FOCAD: variants seen among roughly 807,000 people sequenced by gnomAD.
The protein encoded by FOCAD is focadhesin, also known as KIAA1797.
Under a neutral mutation model 225.6 loss-of-function variants are expected in FOCAD, and 198 were observed. The observed-to-expected ratio is 0.88, with a 90% CI of 0.78 to 0.99. The LOEUF (loss-of-function observed/expected upper bound fraction) is 0.99. Among genes scored for constraint, FOCAD ranks in the 50% least tolerant of loss-of-function variants. The pLI is 0.00. For synonymous variants in FOCAD, 897 were observed against 755.0 expected (o/e 1.19, Z -3.08); for missense variants, 2,713 against 2,123.6 (o/e 1.28, Z -5.46).
chr9:20,769,652 G>C (rs535911898), intron 7 of FOCAD, among the ~76,000 whole-genome samples: 40 of 152,314 alleles, frequency 2.6e-4, no homozygotes, highest in Admixed American at 7.2e-4. Context: ...TTTACTATCA[G>C]GTATCTATGT....
chr9:20,801,575 T>C (rs1821841368), intron 11 of FOCAD, among the ~76,000 whole-genome samples: 1 of 152,152 alleles, frequency 6.6e-6, no homozygotes, highest in Admixed American at 6.5e-5. Flanking sequence ...TTGTAAAAAG[T>C]CATAATAGGG....
intron 10 of FOCAD, among the ~76,000 whole-genome samples, chr9:20,784,420 G>C (rs1174881939): frequency 6.6e-6 from 1 of 152,190 alleles, no homozygotes; most frequent in African/African-American, 2.4e-5. Context: ...AAGAAGAGTG[G>C]GTGTGGAGCT....
chr9:20,721,203 G>A (rs1459800523), intron 4 of FOCAD, among the ~76,000 whole-genome samples: 1 of 152,132 alleles, frequency 6.6e-6, no homozygotes, highest in Non-Finnish European at 1.5e-5. Context: ...AAATTGTCTT[G>A]ATCTATATGT....
At chr9:20,698,070 G>A (rs1823523224) in intron 1 of FOCAD, among the ~76,000 whole-genome samples, 1 of 152,182 alleles carries the variant, frequency 6.6e-6, no homozygotes, top group Non-Finnish European at 1.5e-5. Context: ...TTTAGAGAAT[G>A]ATAAAAAACC....
chr9:20,701,428 G>A (rs10811393), intron 1 of FOCAD, among the ~76,000 whole-genome samples: 73,859 of 152,030 alleles, frequency 0.49, 18,309 homozygotes, highest in Non-Finnish European at 0.52. Flanking sequence ...TGCCATCTGT[G>A]TGTGTGTAGT....
At chr9:20,786,240 A>C (rs1335637263) in intron 10 of FOCAD, among the ~76,000 whole-genome samples, 1 of 152,200 alleles carries the variant, frequency 6.6e-6, no homozygotes, top group African/African-American at 2.4e-5. Flanking sequence ...TCAGATTTAC[A>C]GGGGAACAAA....
intron 11 of FOCAD, among the ~76,000 whole-genome samples, chr9:20,794,925 C>G (rs1024634841): frequency 2.6e-5 from 4 of 152,002 alleles, no homozygotes; most frequent in Non-Finnish European, 5.9e-5. Flanking sequence ...TTTTTTCTTA[C>G]TCTCAAGAAT....
At chr9:20,836,922 A>G (rs1314113840) in intron 15 of FOCAD, among the ~76,000 whole-genome samples, 1 of 152,110 alleles carries the variant, frequency 6.6e-6, no homozygotes, top group Non-Finnish European at 1.5e-5. Flanking sequence ...GATCATGGAA[A>G]GTTGAATGCT....
At chr9:20,704,466 A>C (rs964482153) in intron 1 of FOCAD, among the ~76,000 whole-genome samples, 17 of 152,228 alleles carry the variant, frequency 1.1e-4, no homozygotes, top group African/African-American at 3.9e-4. Flanking sequence ...AAATGTTGCC[A>C]ATAAACTTGT....
chr9:20,975,055 T>G (rs1281009308), intron 35 of FOCAD, among the ~76,000 whole-genome samples: 1 of 152,176 alleles, frequency 6.6e-6, no homozygotes, highest in East Asian at 1.9e-4. Context: ...CTGCTTTTCC[T>G]TTTCCTACCT....
intron 43 of FOCAD, among the ~76,000 whole-genome samples, chr9:20,995,107 C>T (rs1177970549): frequency 6.6e-6 from 1 of 152,048 alleles, no homozygotes; most frequent in African/African-American, 2.4e-5. Flanking sequence ...GTCATACTTG[C>T]TCCATTGAGT....
At chr9:20,666,416 C>T (rs545784423) in intron 2 of FOCAD, among the ~76,000 whole-genome samples, 4 of 151,938 alleles carry the variant, frequency 2.6e-5, no homozygotes, top group East Asian at 3.9e-4. Context: ...CTAAAAAATA[C>T]GAAAACAGCT....
At chr9:20,792,514 G>T (rs764444341) in intron 11 of FOCAD, among the ~76,000 whole-genome samples, 1 of 152,158 alleles carries the variant, frequency 6.6e-6, no homozygotes, top group Non-Finnish European at 1.5e-5. Flanking sequence ...AAAACTCAGT[G>T]CCTCTTTCAA....
At chr9:20,928,007 C>T (rs1835120195) in intron 26 of FOCAD, 1 of 150,744 alleles carries the variant, frequency 6.6e-6, no homozygotes, top group Non-Finnish European at 1.5e-5. Context: ...ATAAATTTTG[C>T]TCAAAAAGTT....
chr9:20,693,977 C>A (rs1823140790), intron 1 of FOCAD, among the ~76,000 whole-genome samples: 1 of 152,210 alleles, frequency 6.6e-6, no homozygotes, highest in African/African-American at 2.4e-5. Flanking sequence ...TCTCAAAGTG[C>A]TGGGATTGCA....
chr9:20,753,547 C>T (rs1828765110), intron 5 of FOCAD, among the ~76,000 whole-genome samples: 1 of 151,908 alleles, frequency 6.6e-6, no homozygotes, highest in Middle Eastern at 3.4e-3. Context: ...TGATGTGCTG[C>T]TGGATTCGGT....
chr9:20,753,790 TATAA>T (rs919437085), intron 5 of FOCAD, among the ~76,000 whole-genome samples: 1 of 151,968 alleles, frequency 6.6e-6, no homozygotes, highest in African/African-American at 2.4e-5. Context: ...CATATATTAA[TATAA>T]ATAATAATAA....
At chr9:20,986,830 C>T (rs1474464899) in intron 40 of FOCAD, among the ~76,000 whole-genome samples, 2 of 152,046 alleles carry the variant, frequency 1.3e-5, no homozygotes, top group South Asian at 4.1e-4. Context: ...AGTCATTTAA[C>T]AAACAAGAGA....
intron 15 of FOCAD, among the ~76,000 whole-genome samples, chr9:20,854,706 T>G (rs1240805311): frequency 2.6e-5 from 4 of 151,778 alleles, no homozygotes; most frequent in African/African-American, 4.8e-5. Context: ...ACACTTAGGC[T>G]GAGATGAATT....
Sources: allele counts gnomAD v4.1 joint callset (sites outside exome capture counted in the v4.1 genomes callset), GRCh38; gene constraint gnomAD v4.1.1; transcripts MANE v1.5; gene names NCBI Gene and HGNC (gene_info 2026-07-23, HGNC 2026-07-21).